The following SAPCD1 variants were observed in gnomAD, a reference collection of about 807,000 sequenced individuals.
The protein encoded by SAPCD1 is suppressor APC domain-containing protein 1.
A neutral mutation model predicts 20.7 loss-of-function variants in SAPCD1; 16 were observed. The observed-to-expected ratio is 0.77, with a 90% CI of 0.52 to 1.17. SAPCD1 has a LOEUF of 1.17. Ranked by LOEUF, SAPCD1 falls within the 50% of genes most tolerant of loss-of-function variation. SAPCD1 has a pLI of 0.00. For synonymous variants in SAPCD1, 77 were observed against 84.8 expected (o/e 0.91, Z 0.50); for missense variants, 173 against 209.9 (o/e 0.82, Z 1.09).
chr6:31,763,059 G>T lies in SAPCD1; in HGVS notation c.5G>T (p.Gly2Val). The change falls in exon 1 of 5, where the codon GGG (glycine) becomes GTG (valine). Residue 2 changes from glycine (G) to valine (V), a missense_variant. Physicochemically the swap from Gly to Val is moderately radical, Grantham distance 109. Coordinates refer to ENST00000415669, the Ensembl canonical transcript of SAPCD1. The surrounding 1 kb of genome is among the most constrained non-coding windows in gnomAD (Gnocchi z 4.9). ...CACCCTTCCCACCTCAGAGCCATGG[G>T]GAGCCAGGGCTCTGGCGGGGTGCCC... is the stretch of plus-strand genomic sequence containing the variant. The T allele has an allele frequency of 6.4e-7, 1 of 1,570,696 alleles. No individual in the cohort carries two copies. The highest frequency in any genetic ancestry group is 1.1e-5 in the South Asian group (1 of 87,682).
chr6:31,763,284 G>C lies in SAPCD1; in HGVS notation c.114+116G>C. ...CCCGCCTGCCTCCCCTTGCCCTCCA[G>C]GTCCTCAGTGGCCAGTCTGGGTTCA... On this transcript the variant is annotated intron_variant, in intron 1 of 4. Coordinates refer to ENST00000415669, the Ensembl canonical transcript of SAPCD1. This position sits in a 1 kb window ranked among gnomAD's most constrained non-coding sequence, Gnocchi z 4.9. 7.5e-7 allele frequency: 1 copy of C among 1,332,004 alleles called. No homozygotes were observed. Among genetic ancestry groups the C allele is most frequent in the Non-Finnish European group, 1.1e-6 (1 of 943,538 alleles). The allele number at this position is 1,332,004 out of a possible 1,614,324, so 82.5% of individuals were successfully genotyped here.
chr6:31,763,277 C>T lies in SAPCD1; in HGVS notation c.114+109C>T. Reference sequence around the variant, plus strand: ...CAGTGTTCCCGCCTGCCTCCCCTTGCCCTCCAGGTCCTCAGTGGCCAGTCT... The same window carrying T: ...CAGTGTTCCCGCCTGCCTCCCCTTGTCCTCCAGGTCCTCAGTGGCCAGTCT... On this transcript the variant is annotated intron_variant, in intron 1 of 4. Transcript: ENST00000415669. This position sits in a 1 kb window ranked among gnomAD's most constrained non-coding sequence, Gnocchi z 4.9. 1.6e-6 allele frequency: 2 copies of T among 1,279,594 alleles called. No individual in the cohort carries two copies. Among genetic ancestry groups the T allele is most frequent in the South Asian group, 2.5e-5 (2 of 78,826 alleles). The allele number at this position is 1,279,594 out of a possible 1,614,324, so 79.3% of individuals were successfully genotyped here.
In SAPCD1 at chr6:31,763,337, C is replaced by T; in HGVS notation, c.115-78C>T. 1 of 1,582,944 alleles carries T rather than the reference C, an allele frequency of 6.3e-7. No individual in the cohort carries two copies. Among genetic ancestry groups the T allele is most frequent in the Non-Finnish European group, 8.7e-7 (1 of 1,154,974 alleles). On this transcript the variant is annotated intron_variant, in intron 1 of 4. Transcript: ENST00000415669. The surrounding 1 kb of genome is among the most constrained non-coding windows in gnomAD (Gnocchi z 4.9). ...CTCAGTGACCACACAGTGAACCCAA[C>T]TAGGGGTGGAGAGAAAGGGCCATAA...
In SAPCD1 at chr6:31,764,385, C is replaced by T. The variant is rs778943820; in HGVS notation, c.441+30C>T. On this transcript the variant is annotated intron_variant, in intron 4 of 4. Transcript: ENST00000415669. This position sits in a 1 kb window ranked among gnomAD's most constrained non-coding sequence, Gnocchi z 4.7. ...ACTTCAAGAAGGAGGGCAGGAGCCC[C>T]ACCCTACAGGGCTGGGAGGAGCCCA... The T allele has an allele frequency of 3.1e-6, 5 of 1,607,502 alleles. No individual in the cohort carries two copies. The highest frequency in any genetic ancestry group is 1.1e-5 in the South Asian group (1 of 90,964).
upstream of SAPCD1, chr6:31,762,687 C>T (rs533234146): frequency 1.7e-6 from 1 of 590,630 alleles, no homozygotes; most frequent in South Asian, 2.2e-5. Flanking sequence ...GATATTGTTT[C>T]TTTAGTCTCA....
rs1461149651 is a variant in SAPCD1, at chr6:31,763,953, G to A, written c.256-111G>A. 1.3e-6 allele frequency: 1 copy of A among 752,812 alleles called. No individual in the cohort carries two copies. Among genetic ancestry groups the A allele is most frequent in the Non-Finnish European group, 2.4e-6 (1 of 425,458 alleles). 46.6% of individuals were successfully genotyped at this position (752,812 alleles called of 1,614,324 possible). A position where few individuals can be genotyped will look rare whatever the true frequency, so the allele number is the denominator to read the frequency against. On this transcript the variant is annotated intron_variant, in intron 2 of 4. Coordinates refer to ENST00000415669, the Ensembl canonical transcript of SAPCD1. The surrounding 1 kb of genome is among the most constrained non-coding windows in gnomAD (Gnocchi z 4.9). ...CTGGATTTTCCCACCTGCCTGGGAG[G>A]GTACTGGGACGAGGGGATCCAGATG...
At position 31,764,537 on chromosome 6, in the gene SAPCD1, C is replaced by T. The variant is rs1811338333; in HGVS notation, c.*6C>T. The T allele has an allele frequency of 6.3e-7, 1 of 1,599,970 alleles. No homozygotes were observed. The highest frequency in any genetic ancestry group is 1.3e-5 in the African/African-American group (1 of 74,600). ...GAGGCCCTACCCGTGTCTAAACCCT[C>T]CTCTCACTCCCCTAAGCCTGGTGAA... On this transcript the variant is annotated 3_prime_UTR_variant, in exon 5 of 5. Transcript: ENST00000415669. This position sits in a 1 kb window ranked among gnomAD's most constrained non-coding sequence, Gnocchi z 4.7.
Position 31,763,370 on chromosome 6 carries a change from C to T in SAPCD1, c.115-45C>T. 1.2e-5 allele frequency: 19 copies of T among 1,611,602 alleles called. No individual in the cohort carries two copies. The highest frequency in any genetic ancestry group is 1.5e-5 in the Non-Finnish European group (18 of 1,178,840). ...GGAGAGAAAGGGCCATAACCCAGAG[C>T]CCTACTGTGGCGTGAGAGTCAGCCT... On this transcript the variant is annotated intron_variant, in intron 1 of 4. Coordinates refer to ENST00000415669, the Ensembl canonical transcript of SAPCD1. This position sits in a 1 kb window ranked among gnomAD's most constrained non-coding sequence, Gnocchi z 4.9.
At position 31,763,724 on chromosome 6, in the gene SAPCD1, G is replaced by A. The variant is rs537898722; in HGVS notation, c.255+169G>A. On this transcript the variant is annotated intron_variant, in intron 2 of 4. Transcript: ENST00000415669. The surrounding 1 kb of genome is among the most constrained non-coding windows in gnomAD (Gnocchi z 4.9). ...GGATGCCACCAAGTGTTAAGTTGGTGTTCATTGTTGGGGCTGGAGGAAGCT... is the reference window on the plus strand; with the variant it reads ...GGATGCCACCAAGTGTTAAGTTGGTATTCATTGTTGGGGCTGGAGGAAGCT... The A allele has an allele frequency of 4.5e-6, 3 of 672,034 alleles. No individual in the cohort carries two copies. Among genetic ancestry groups the A allele is most frequent in the South Asian group, 3.8e-5 (2 of 52,648 alleles). The allele number at this position is 672,034 out of a possible 1,614,324, so 41.6% of individuals were successfully genotyped here.
At position 31,763,795 on chromosome 6, in the gene SAPCD1, A is replaced by C; in HGVS notation, c.255+240A>C. The C allele has an allele frequency of 1.7e-6, 1 of 605,494 alleles. No individual in the cohort carries two copies. Among genetic ancestry groups the C allele is most frequent in the Non-Finnish European group, 2.9e-6 (1 of 342,042 alleles). 37.5% of individuals were successfully genotyped at this position (605,494 alleles called of 1,614,324 possible). A position where few individuals can be genotyped will look rare whatever the true frequency, so the allele number is the denominator to read the frequency against. On this transcript the variant is annotated intron_variant, in intron 2 of 4. Transcript: ENST00000415669. The surrounding 1 kb of genome is among the most constrained non-coding windows in gnomAD (Gnocchi z 4.9). The stretch of plus-strand genomic sequence containing the variant: ...GGATTTGGATCACTCCATGGAGATG[A>C]GGGTGTGGCCTGGATTATTCCAATG...
chr6:31,763,436 G>A lies in SAPCD1; in HGVS notation c.136G>A (p.Glu46Lys). The change falls in exon 2 of 5, where the codon GAG becomes AAG. Residue 46 changes from glutamate (E) to lysine (K), a missense_variant. Transcript: ENST00000415669. This position sits in a 1 kb window ranked among gnomAD's most constrained non-coding sequence, Gnocchi z 4.9. Reference sequence around the variant, plus strand: ...CCAGCTACGCAGGATGCAGGCTCTGGAGAGAGAACAGGATGCCCTGTGGCA... The same window carrying A: ...CCAGCTACGCAGGATGCAGGCTCTGAAGAGAGAACAGGATGCCCTGTGGCA... The A allele has an allele frequency of 1.9e-6, 3 of 1,613,100 alleles. No homozygotes were observed. Among genetic ancestry groups the A allele is most frequent in the Non-Finnish European group, 2.5e-6 (3 of 1,180,034 alleles).
In SAPCD1 at chr6:31,763,565, C is replaced by A; in HGVS notation, c.255+10C>A. ...AGGGGCCCTTGGTGAGGTATGGGGG[C>A]TGCCCCTCTGTGTGAATGGGGGGAG... On this transcript the variant is annotated intron_variant, in intron 2 of 4. Coordinates refer to ENST00000415669, the Ensembl canonical transcript of SAPCD1. This position sits in a 1 kb window ranked among gnomAD's most constrained non-coding sequence, Gnocchi z 4.9. 6.2e-7 allele frequency: 1 copy of A among 1,601,764 alleles called. No individual in the cohort carries two copies. The highest frequency in any genetic ancestry group is 8.5e-7 in the Non-Finnish European group (1 of 1,174,364).
rs771718719 is a variant in SAPCD1 at position 31,763,559 on chromosome 6, TG to T, written c.255+9del. 1 of 1,606,702 alleles carries T rather than the reference TG, an allele frequency of 6.2e-7. No individual in the cohort carries two copies. Among genetic ancestry groups the T allele is most frequent in the South Asian group, 1.1e-5 (1 of 90,368 alleles). ...GCATCTAGGGGCCCTTGGTGAGGTA[TG>T]GGGGCTGCCCCTCTGTGTGAATGGG... On this transcript the variant is annotated splice_donor_5th_base_variant and intron_variant, in intron 2 of 4. Coordinates refer to ENST00000415669, the Ensembl canonical transcript of SAPCD1. The surrounding 1 kb of genome is among the most constrained non-coding windows in gnomAD (Gnocchi z 4.9).
chr6:31,762,930 C>T (rs1272693942), upstream of SAPCD1: 4 of 596,202 alleles, frequency 6.7e-6, no homozygotes, highest in Non-Finnish European at 1.2e-5. Context: ...CAGCCTCAGA[C>T]AGACACAGCA....
chr6:31,764,548 C>T lies in SAPCD1; in HGVS notation c.*17C>T. The T allele has an allele frequency of 1.3e-6, 2 of 1,566,200 alleles. No individual in the cohort carries two copies. Among genetic ancestry groups the T allele is most frequent in the Non-Finnish European group, 1.7e-6 (2 of 1,148,700 alleles). On this transcript the variant is annotated 3_prime_UTR_variant, in exon 5 of 5. Transcript: ENST00000415669. The surrounding 1 kb of genome is among the most constrained non-coding windows in gnomAD (Gnocchi z 4.7). ...CGTGTCTAAACCCTCCTCTCACTCC[C>T]CTAAGCCTGGTGAAAGAGTCAGAAG...
In SAPCD1 at chr6:31,763,740, G is replaced by A; in HGVS notation, c.255+185G>A. The A allele has an allele frequency of 1.6e-6, 1 of 633,580 alleles. No individual in the cohort carries two copies. Among genetic ancestry groups the A allele is most frequent in the Admixed American group, 2.9e-5 (1 of 34,010 alleles). 39.2% of individuals were successfully genotyped at this position (633,580 alleles called of 1,614,324 possible). A position where few individuals can be genotyped will look rare whatever the true frequency, so the allele number is the denominator to read the frequency against. On this transcript the variant is annotated intron_variant, in intron 2 of 4. Coordinates refer to ENST00000415669, the Ensembl canonical transcript of SAPCD1. The surrounding 1 kb of genome is among the most constrained non-coding windows in gnomAD (Gnocchi z 4.9). ...TAAGTTGGTGTTCATTGTTGGGGCT[G>A]GAGGAAGCTGGTCTGCATTCCATTC...
In SAPCD1 at chr6:31,763,143, C is replaced by T. The variant is rs778616985; in HGVS notation, c.89C>T (p.Pro30Leu). The stretch of plus-strand genomic sequence containing the variant: ...CCGCTGGGGACAAGCCGCCAAGACC[C>T]AGGGGCCCAGAGCTTCTTCCTTTGG... The change falls in exon 1 of 5, where the codon CCA becomes CTA. Residue 30 changes from proline (P) to leucine (L), a missense_variant. Transcript: ENST00000415669. The surrounding 1 kb of genome is among the most constrained non-coding windows in gnomAD (Gnocchi z 4.9). The T allele has an allele frequency of 6.4e-7, 1 of 1,568,272 alleles. No individual in the cohort carries two copies. The highest frequency in any genetic ancestry group is 1.2e-5 in the South Asian group (1 of 84,188).
chr6:31,763,182 C>A lies in SAPCD1; in HGVS notation c.114+14C>A. On this transcript the variant is annotated intron_variant, in intron 1 of 4. Coordinates refer to ENST00000415669, the Ensembl canonical transcript of SAPCD1. The surrounding 1 kb of genome is among the most constrained non-coding windows in gnomAD (Gnocchi z 4.9). ...TTCTTCCTTTGGGTGAGTATCAGCCCAACAAGAGGTCCCAGGGGAACTCTC... is the reference window on the plus strand; with the variant it reads ...TTCTTCCTTTGGGTGAGTATCAGCCAAACAAGAGGTCCCAGGGGAACTCTC... The A allele has an allele frequency of 6.9e-7, 1 of 1,448,042 alleles. No homozygotes were observed. The highest frequency in any genetic ancestry group is 1.2e-5 in the South Asian group (1 of 80,732). 89.7% of individuals were successfully genotyped at this position (1,448,042 alleles called of 1,614,324 possible).
chr6:31,764,084 C>T lies in SAPCD1; in HGVS notation c.276C>T (p.His92=). 6.2e-7 allele frequency: 1 copy of T among 1,613,556 alleles called. No individual in the cohort carries two copies. Among genetic ancestry groups the T allele is most frequent in the South Asian group, 1.1e-5 (1 of 91,060 alleles). The change falls in exon 3 of 5, where the codon CAC becomes CAT. Residue 92 remains histidine, a synonymous_variant. Transcript: ENST00000415669. This position sits in a 1 kb window ranked among gnomAD's most constrained non-coding sequence, Gnocchi z 4.7. ...TCTAGAATTTTCTAACAGATTTACACTCAGAGCCTGGTCGCCCCCCGTTAG... is the reference window on the plus strand; with the variant it reads ...TCTAGAATTTTCTAACAGATTTACATTCAGAGCCTGGTCGCCCCCCGTTAG...
Sources: gnomAD v4.1 joint callset for allele counts on GRCh38, gnomAD v4.1.1 for gene constraint, Gnocchi (gnomAD v3.1) non-coding constraint, MANE v1.5 for transcripts, NCBI Gene and HGNC (gene_info 2026-07-23, HGNC 2026-07-21) for gene names.